The following PVT1 variants were observed in gnomAD, a reference collection of about 807,000 sequenced individuals.
PVT1 encodes the protein CXCR4/PVT1 fusion.
intron 2 of PVT1, among the ~76,000 whole-genome samples, chr8:127,868,792 T>TATATATATATGTATATACATATATATAC (rs1815317447): frequency 2.7e-5 from 1 of 37,218 alleles, no homozygotes. Context: ...TATATATATA[T>TATATATATATGTATATACATATATATAC]ACATATATAT....
chr8:127,994,910 C>T (rs1817088097), intron 4 of PVT1, among the ~76,000 whole-genome samples: 1 of 152,212 alleles, frequency 6.6e-6, no homozygotes, highest in Admixed American at 6.5e-5. Flanking sequence ...TGAGGCCCAA[C>T]CCACATTGAA....
At chr8:127,988,947 A>G (rs1457345425) in intron 3 of PVT1, among the ~76,000 whole-genome samples, 1 of 152,206 alleles carries the variant, frequency 6.6e-6, no homozygotes, top group African/African-American at 2.4e-5. Flanking sequence ...ATCAAAGCCT[A>G]TCTCATAGGA....
At chr8:128,003,847 C>G (rs958955998) in intron 4 of PVT1, among the ~76,000 whole-genome samples, 1 of 152,210 alleles carries the variant, frequency 6.6e-6, no homozygotes, top group Admixed American at 6.5e-5. Context: ...TCTATTTGGG[C>G]TGCTATAACA....
chr8:128,002,360 ACT>A (rs1302115787), intron 4 of PVT1, among the ~76,000 whole-genome samples: 1 of 151,886 alleles, frequency 6.6e-6, no homozygotes, highest in Non-Finnish European at 1.5e-5. Flanking sequence ...TTTACATGTT[ACT>A]CTTTCTTATT....
chr8:127,905,835 G>A (rs750302387), intron 3 of PVT1, among the ~76,000 whole-genome samples: 1 of 152,214 alleles, frequency 6.6e-6, no homozygotes, highest in Non-Finnish European at 1.5e-5. Flanking sequence ...GAGTGCACTG[G>A]CTTTCGGGGC....
chr8:128,040,665 G>A (rs944470416), intron 4 of PVT1, among the ~76,000 whole-genome samples: 2 of 152,180 alleles, frequency 1.3e-5, no homozygotes, highest in African/African-American at 4.8e-5. Context: ...GCCAGTCCAT[G>A]GGGCCGCACA....
chr8:127,916,448 T>C (rs924898819), intron 3 of PVT1, among the ~76,000 whole-genome samples: 1 of 152,142 alleles, frequency 6.6e-6, no homozygotes, highest in Non-Finnish European at 1.5e-5. Context: ...ATGACCTCAA[T>C]GTGGGCCTGG....
At chr8:128,078,200 A>C (rs1814116772) in intron 5 of PVT1, among the ~76,000 whole-genome samples, 1 of 152,236 alleles carries the variant, frequency 6.6e-6, no homozygotes, top group African/African-American at 2.4e-5. Context: ...TAAAGGCCAG[A>C]GATAACATTT....
At chr8:127,822,348 C>T (rs1278409023) in intron 2 of PVT1, among the ~76,000 whole-genome samples, 4 of 152,152 alleles carry the variant, frequency 2.6e-5, no homozygotes, top group East Asian at 1.9e-4. Context: ...GAGGCCAAGA[C>T]GAGCGGATAG....
chr8:127,820,526 A>G (rs1203468377), intron 2 of PVT1, among the ~76,000 whole-genome samples: 1 of 152,056 alleles, frequency 6.6e-6, no homozygotes, highest in Non-Finnish European at 1.5e-5. Context: ...TGCCAAGGGG[A>G]GGTGTAGCAT....
At chr8:128,016,276 C>CAA (rs11333334) in intron 4 of PVT1, among the ~76,000 whole-genome samples, 4 of 134,474 alleles carry the variant, frequency 3.0e-5, no homozygotes, top group Non-Finnish European at 3.2e-5. Context: ...GACCCTGTCT[C>CAA]AAAAAAAAAA....
intron 5 of PVT1, among the ~76,000 whole-genome samples, chr8:128,073,643 C>T (rs941844609): frequency 1.3e-5 from 2 of 152,124 alleles, no homozygotes; most frequent in African/African-American, 4.8e-5. Flanking sequence ...CCTCCTCATG[C>T]GCCAACCCAT....
chr8:127,877,790 G>A (rs561128302), intron 2 of PVT1, among the ~76,000 whole-genome samples: 1 of 151,938 alleles, frequency 6.6e-6, no homozygotes, highest in African/African-American at 2.4e-5. Context: ...GCAGGGCATG[G>A]TGGCTCGCAC....
intron 4 of PVT1, among the ~76,000 whole-genome samples, chr8:127,990,038 C>T (rs1266722554): frequency 1.3e-5 from 2 of 152,190 alleles, no homozygotes; most frequent in Non-Finnish European, 2.9e-5. Flanking sequence ...CAAATTATTC[C>T]TCAATTATGC....
rs528405705 is a variant in PVT1, at chr8:127,974,777, G to A, written n.783-14385G>A. Among the ~76,000 whole-genome samples, 160 of 152,298 alleles carry A rather than the reference G, an allele frequency of 1.1e-3. 1 individual carries two copies. The highest frequency in any genetic ancestry group is 3.5e-3 in the African/African-American group (144 of 41,572). ...GTATTTCCAAAGAATAGATACGGGT[G>A]AGAAAACAAAATCAGTAACTCTTCC... On this transcript the variant is annotated intron_variant and non_coding_transcript_variant, in intron 3 of 10. Transcript: ENST00000651587.
intron 2 of PVT1, among the ~76,000 whole-genome samples, chr8:127,886,112 AAAAT>A (rs1250049855): frequency 2.6e-5 from 4 of 152,042 alleles, no homozygotes; most frequent in Non-Finnish European, 4.4e-5. Flanking sequence ...AAAAATAAAT[AAAAT>A]AAATAAATAA....
intron 2 of PVT1, among the ~76,000 whole-genome samples, chr8:127,848,639 C>G (rs889660974): frequency 6.6e-5 from 10 of 151,808 alleles, no homozygotes; most frequent in Admixed American, 5.2e-4. Context: ...GCTGAGATCG[C>G]GCCATTGCAC....
At chr8:127,890,048 A>G (rs1815581637) in intron 2 of PVT1, among the ~76,000 whole-genome samples, 2 of 152,200 alleles carry the variant, frequency 1.3e-5, no homozygotes, top group African/African-American at 4.8e-5. Flanking sequence ...TAGTGAATGA[A>G]TGAGTAAGAA....
At chr8:127,853,589 T>C (rs1449673093) in intron 2 of PVT1, among the ~76,000 whole-genome samples, 4 of 152,084 alleles carry the variant, frequency 2.6e-5, no homozygotes. Flanking sequence ...GAGACCAACC[T>C]GGGCAACATG....
Sources: allele counts gnomAD v4.1 joint callset (sites outside exome capture counted in the v4.1 genomes callset), GRCh38; gene constraint gnomAD v4.1.1; transcripts MANE v1.5; gene names NCBI Gene and HGNC (gene_info 2026-07-23, HGNC 2026-07-21).